The following MAML3 variants were observed in gnomAD, a reference collection of about 807,000 sequenced individuals.
MAML3 encodes the protein mastermind-like protein 3.
Under a neutral mutation model 101.9 loss-of-function variants are expected in MAML3, and 27 were observed. That is an observed-to-expected ratio of 0.27 (90% confidence interval 0.20 to 0.37). The LOEUF (loss-of-function observed/expected upper bound fraction) is 0.37, where lower values mean the gene tolerates loss of function less well. MAML3 is among the 10% of genes least tolerant of loss of function. MAML3 has a pLI of 1.00. For synonymous variants in MAML3, 501 were observed against 555.9 expected (o/e 0.90, Z 1.39); for missense variants, 1,316 against 1,444.9 (o/e 0.91, Z 1.45).
chr4:140,057,757 A>C (rs1346315199), intron 1 of MAML3, among the ~76,000 whole-genome samples: 1 of 152,162 alleles, frequency 6.6e-6, no homozygotes, highest in Non-Finnish European at 1.5e-5. Flanking sequence ...CCCAAATACC[A>C]TGTCTTCCAG....
chr4:140,038,020 T>C (rs1056162008), intron 1 of MAML3, among the ~76,000 whole-genome samples: 3 of 152,244 alleles, frequency 2.0e-5, no homozygotes, highest in African/African-American at 7.2e-5. Flanking sequence ...TTAGCTAAGA[T>C]ATCTTCTGCA....
At chr4:139,786,316 G>A (rs1730302870) in intron 2 of MAML3, among the ~76,000 whole-genome samples, 1 of 151,950 alleles carries the variant, frequency 6.6e-6, no homozygotes, top group Non-Finnish European at 1.5e-5. Context: ...AGGCGTATGA[G>A]TGCTAATGTG....
chr4:139,920,192 T>G (rs111360051), intron 1 of MAML3, among the ~76,000 whole-genome samples: 1 of 152,258 alleles, frequency 6.6e-6, no homozygotes, highest in African/African-American at 2.4e-5. Flanking sequence ...TCACTTTTTT[T>G]GCCTTTCTGT....
chr4:140,008,713 G>A (rs957828550), intron 1 of MAML3, among the ~76,000 whole-genome samples: 1 of 152,048 alleles, frequency 6.6e-6, no homozygotes, highest in African/African-American at 2.4e-5. Context: ...TAAAATTTAT[G>A]AGAATGGAAA....
intron 2 of MAML3, among the ~76,000 whole-genome samples, chr4:139,741,614 G>A (rs1316241067): frequency 6.6e-6 from 1 of 152,108 alleles, no homozygotes; most frequent in East Asian, 1.9e-4. Context: ...GGGCATGGTG[G>A]TGTGCACCTG....
chr4:139,854,817 C>T (rs1159933050), intron 2 of MAML3, among the ~76,000 whole-genome samples: 2 of 83,348 alleles, frequency 2.4e-5, no homozygotes. Context: ...GGTGGTCTCT[C>T]CAGCAGCATG....
intron 1 of MAML3, among the ~76,000 whole-genome samples, chr4:140,015,369 A>G (rs1423663446): frequency 6.6e-6 from 1 of 152,240 alleles, no homozygotes. Context: ...ACTAACTAGC[A>G]AGAACAGAAG....
intron 2 of MAML3, among the ~76,000 whole-genome samples, chr4:139,751,250 G>A (rs2111040472): frequency 6.6e-6 from 1 of 152,270 alleles, no homozygotes; most frequent in East Asian, 1.9e-4. Context: ...ATTACTTGGA[G>A]TAGTCTAACA....
chr4:140,008,083 G>A (rs985507424), intron 1 of MAML3, among the ~76,000 whole-genome samples: 2 of 152,212 alleles, frequency 1.3e-5, no homozygotes, highest in South Asian at 2.1e-4. Flanking sequence ...AGTGGCTCAC[G>A]CCTGTAATCC....
chr4:139,884,080 C>G (rs1276135419), intron 2 of MAML3, among the ~76,000 whole-genome samples: 1 of 151,976 alleles, frequency 6.6e-6, no homozygotes, highest in Non-Finnish European at 1.5e-5. Context: ...GATGGGGTTT[C>G]ACCATGTTGG....
At chr4:139,936,080 G>A (rs183865956) in intron 1 of MAML3, among the ~76,000 whole-genome samples, 142 of 152,024 alleles carry the variant, frequency 9.3e-4, no homozygotes, top group African/African-American at 7.2e-4. Flanking sequence ...CTACTCTATC[G>A]GAGTTAGATT....
chr4:139,961,999 C>T (rs1234672465), intron 1 of MAML3, among the ~76,000 whole-genome samples: 1 of 151,992 alleles, frequency 6.6e-6, no homozygotes, highest in African/African-American at 2.4e-5. Flanking sequence ...GCCTGTGGTC[C>T]CAGCTACTTG....
At chr4:139,860,470 CTT>C (rs1731756910) in intron 2 of MAML3, among the ~76,000 whole-genome samples, 1 of 152,224 alleles carries the variant, frequency 6.6e-6, no homozygotes, top group Non-Finnish European at 1.5e-5. Flanking sequence ...TCTTCCCTCT[CTT>C]ATATTTTCTC....
chr4:140,058,269 C>T (rs566303744), intron 1 of MAML3, among the ~76,000 whole-genome samples: 13 of 148,644 alleles, frequency 8.7e-5, no homozygotes, highest in African/African-American at 3.0e-4. Context: ...GCTCAGAGTA[C>T]TTTTTTTTTT....
intron 1 of MAML3, among the ~76,000 whole-genome samples, chr4:140,008,886 G>A (rs751676135): frequency 2.4e-4 from 37 of 152,134 alleles, no homozygotes; most frequent in Non-Finnish European, 3.7e-4. Context: ...TCGCCACCAC[G>A]AAAACTCTTT....
intron 1 of MAML3, among the ~76,000 whole-genome samples, chr4:139,901,283 C>T (rs780199847): frequency 2.0e-5 from 3 of 152,200 alleles, no homozygotes; most frequent in Non-Finnish European, 4.4e-5. Flanking sequence ...TGCATCCCAG[C>T]GGTAGCTTCC....
chr4:139,829,285 AAAAGG>A (rs962719594), intron 2 of MAML3, among the ~76,000 whole-genome samples: 2 of 150,226 alleles, frequency 1.3e-5, no homozygotes, highest in Admixed American at 6.6e-5. Flanking sequence ...AAGAAAAAAG[AAAAGG>A]AAAGGAAAGA....
At chr4:140,021,596 T>TTCTC (rs1332077793) in intron 1 of MAML3, among the ~76,000 whole-genome samples, 20 of 151,856 alleles carry the variant, frequency 1.3e-4, no homozygotes, top group African/African-American at 4.8e-4. Flanking sequence ...TTTTTTTCCT[T>TTCTC]ATTTTTAAAA....
At chr4:139,803,693 A>G (rs1205616183) in intron 2 of MAML3, among the ~76,000 whole-genome samples, 1 of 152,188 alleles carries the variant, frequency 6.6e-6, no homozygotes, top group Non-Finnish European at 1.5e-5. Context: ...TGAAAATAAT[A>G]ACACCACACA....
Sources: gnomAD v4.1 joint callset for allele counts (sites outside exome capture counted in the v4.1 genomes callset) on GRCh38, gnomAD v4.1.1 for gene constraint, MANE v1.5 for transcripts, NCBI Gene and HGNC (gene_info 2026-07-23, HGNC 2026-07-21) for gene names.